RAP1A: variants seen among roughly 807,000 people sequenced by gnomAD.
RAP1A encodes ras-related protein Rap-1A.
In RAP1A, 6 loss-of-function variants were observed where a neutral mutation model predicts 26.4. The ratio of observed to expected loss-of-function variants is 0.23; its 90% CI spans 0.12 to 0.45. RAP1A has a LOEUF of 0.45. Among genes scored for constraint, RAP1A ranks in the 20% least tolerant of loss-of-function variants. The probability of loss-of-function intolerance (pLI) is 0.99; values close to 1 mark genes in which losing one functional copy is unlikely to be tolerated. For synonymous variants in RAP1A, 73 were observed against 79.4 expected (o/e 0.92, Z 0.43); for missense variants, 121 against 217.2 (o/e 0.56, Z 2.78).
At chr1:111,636,867 C>T (rs1659743895) in intron 1 of RAP1A, among the ~76,000 whole-genome samples, 1 of 152,074 alleles carries the variant, frequency 6.6e-6, no homozygotes, top group African/African-American at 2.4e-5. Context: ...ATTTCTATTA[C>T]TTCAGTACAT....
chr1:111,649,358 C>G (rs551954633), intron 1 of RAP1A: 2 of 387,264 alleles, frequency 5.2e-6, no homozygotes, highest in African/African-American at 4.2e-5. Flanking sequence ...CCCATTCCTG[C>G]CAGCCCCTCG....
At chr1:111,617,831 G>A (rs1196898913), upstream of RAP1A, among the ~76,000 whole-genome samples, 1 of 151,596 alleles carries the variant, frequency 6.6e-6, no homozygotes, top group East Asian at 2.0e-4. Flanking sequence ...ATCACCTGAG[G>A]TTGGGAATTC....
intron 1 of RAP1A, among the ~76,000 whole-genome samples, chr1:111,587,702 C>T (rs572564426): frequency 6.6e-6 from 1 of 152,304 alleles, no homozygotes; most frequent in Non-Finnish European, 1.5e-5. Flanking sequence ...TCCACTTTCA[C>T]CTCCCATTCA....
intron 1 of RAP1A, among the ~76,000 whole-genome samples, chr1:111,590,050 G>A (rs187357934): frequency 3.3e-4 from 51 of 152,252 alleles, no homozygotes; most frequent in East Asian, 1.2e-3. Context: ...GATTACAGGC[G>A]TGAGCCACTG....
chr1:111,571,626 C>T (rs1383837013), intron 1 of RAP1A, among the ~76,000 whole-genome samples: 1 of 152,186 alleles, frequency 6.6e-6, no homozygotes, highest in Non-Finnish European at 1.5e-5. Context: ...CAATTGCACA[C>T]AGATTCTTAA....
chr1:111,675,020 C>T (rs1352872460), intron 1 of RAP1A, among the ~76,000 whole-genome samples: 2 of 152,142 alleles, frequency 1.3e-5, no homozygotes, highest in African/African-American at 4.8e-5. Context: ...AGCTCTTTAA[C>T]ATGACAAATG....
chr1:111,682,452 C>A (rs1571556762), intron 1 of RAP1A, among the ~76,000 whole-genome samples: 2 of 145,524 alleles, frequency 1.4e-5, no homozygotes, highest in Non-Finnish European at 3.0e-5. Context: ...CAAAGACACA[C>A]ATAGGCCCAA....
chr1:111,605,680 C>T (rs1167288406), intron 1 of RAP1A, among the ~76,000 whole-genome samples: 2 of 152,188 alleles, frequency 1.3e-5, no homozygotes, highest in Non-Finnish European at 1.5e-5. Flanking sequence ...AACACTGTTA[C>T]AGGCCAAAGT....
intron 1 of RAP1A, among the ~76,000 whole-genome samples, chr1:111,632,289 C>G (rs750688090): frequency 2.0e-5 from 3 of 151,246 alleles, no homozygotes; most frequent in East Asian, 1.9e-4. Context: ...TCTCTAAACC[C>G]TGTGTTTATA....
intron 1 of RAP1A, among the ~76,000 whole-genome samples, chr1:111,585,519 T>C (rs1192183675): frequency 2.6e-5 from 4 of 152,174 alleles, no homozygotes; most frequent in Non-Finnish European, 1.5e-5. Context: ...TTTTTTGATG[T>C]CAGTCTGAGC....
chr1:111,556,170 T>A (rs916812427), intron 1 of RAP1A, among the ~76,000 whole-genome samples: 1 of 152,150 alleles, frequency 6.6e-6, no homozygotes. Context: ...TAAAAAGATA[T>A]TCAACATCAC....
chr1:111,619,097 C>T (rs1038522010), upstream of RAP1A, among the ~76,000 whole-genome samples: 5 of 152,190 alleles, frequency 3.3e-5, no homozygotes, highest in Non-Finnish European at 7.3e-5. Context: ...GGCTGGCTGA[C>T]GCTGCTCAGC....
At chr1:111,668,085 G>T (rs1052631955) in intron 1 of RAP1A, among the ~76,000 whole-genome samples, 19 of 152,142 alleles carry the variant, frequency 1.2e-4, no homozygotes, top group African/African-American at 4.3e-4. Flanking sequence ...AGGTTTGGGG[G>T]TTGTTATTCT....
intron 1 of RAP1A, among the ~76,000 whole-genome samples, chr1:111,546,172 A>G (rs1657028085): frequency 6.6e-6 from 1 of 152,132 alleles, no homozygotes; most frequent in South Asian, 2.1e-4. Context: ...GGCAGTTTGA[A>G]TTTTTATAAG....
At chr1:111,567,305 A>C (rs1465032695) in intron 1 of RAP1A, among the ~76,000 whole-genome samples, 2 of 152,232 alleles carry the variant, frequency 1.3e-5, no homozygotes, top group Non-Finnish European at 2.9e-5. Context: ...TGTGTAAGAT[A>C]CGTGAATTAC....
At chr1:111,644,258 G>C (rs1659997277) in intron 1 of RAP1A, among the ~76,000 whole-genome samples, 1 of 152,168 alleles carries the variant, frequency 6.6e-6, no homozygotes, top group Admixed American at 6.5e-5. Flanking sequence ...TGTTTATTTG[G>C]AGGATGTTGA....
chr1:111,688,808 GTTT>G (rs753016302), intron 1 of RAP1A, among the ~76,000 whole-genome samples: 20 of 124,204 alleles, frequency 1.6e-4, no homozygotes, highest in African/African-American at 4.2e-4. Flanking sequence ...TTTTGTTTTT[GTTT>G]TTTTTTTTTT....
chr1:111,548,462 C>T (rs980583066), intron 1 of RAP1A, among the ~76,000 whole-genome samples: 1 of 152,108 alleles, frequency 6.6e-6, no homozygotes, highest in Non-Finnish European at 1.5e-5. Context: ...TTTAAAATTT[C>T]CTTTGAAAGC....
chr1:111,614,716 G>A (rs1158102728), intron 1 of RAP1A, among the ~76,000 whole-genome samples: 3 of 152,184 alleles, frequency 2.0e-5, no homozygotes, highest in Non-Finnish European at 2.9e-5. Context: ...TACTGTTAGA[G>A]TTAGACAGGG....
Sources: allele counts gnomAD v4.1 joint callset (sites outside exome capture counted in the v4.1 genomes callset), GRCh38; gene constraint gnomAD v4.1.1; transcripts MANE v1.5; gene names NCBI Gene and HGNC (gene_info 2026-07-23, HGNC 2026-07-21).